The following DOCK7 variants were observed in gnomAD, a reference collection of about 807,000 sequenced individuals.
The protein encoded by DOCK7 is dedicator of cytokinesis 7.
In DOCK7, 138 loss-of-function variants were observed where a neutral mutation model predicts 271.0. The observed-to-expected ratio is 0.51, with a 90% CI of 0.44 to 0.59. The LOEUF (loss-of-function observed/expected upper bound fraction) is 0.59. Ranked by LOEUF, DOCK7 falls within the 20% of genes least tolerant of loss-of-function variation. The probability of loss-of-function intolerance (pLI) is 0.00; values close to 1 mark genes in which losing one functional copy is unlikely to be tolerated. For missense variants in DOCK7, 2,066 were observed against 2,592.4 expected (o/e 0.80, Z 4.41); for synonymous variants, 823 against 876.1 (o/e 0.94, Z 1.07).
At chr1:62,504,385 T>G (rs1223811865) in intron 37 of DOCK7, among the ~76,000 whole-genome samples, 1 of 152,238 alleles carries the variant, frequency 6.6e-6, no homozygotes, top group African/African-American at 2.4e-5. Flanking sequence ...AACTGCTCAA[T>G]GTACATTTAT....
In DOCK7 at chr1:62,684,170, G is replaced by A. The variant is rs191649419; in HGVS notation, c.38+4057C>T. Among the ~76,000 whole-genome samples the A allele has an allele frequency of 5.4e-3, 809 of 150,052 alleles. 11 individuals carry two copies. Among genetic ancestry groups the A allele is most frequent in the African/African-American group, 0.019 (759 of 40,722 alleles). On this transcript the variant is annotated intron_variant, in intron 1 of 49. Coordinates refer to ENST00000635253, the MANE Select transcript of DOCK7 (RefSeq NM_001367561.1). The stretch of plus-strand genomic sequence containing the variant: ...GTGGAGGTTGCAGTGAGCCGATTGC[G>A]CCACTTCACTCCAGCCTGGGCGAAA...
chr1:62,559,070 G>A lies in DOCK7; in HGVS notation c.2350C>T (p.Pro784Ser), dbSNP rs147326785. 1.3e-5 allele frequency: 21 copies of A among 1,613,692 alleles called. No homozygotes were observed. The highest frequency in any genetic ancestry group is 1.7e-5 in the Non-Finnish European group (20 of 1,179,916). Residue 784 changes from proline (P) to serine (S), a missense_variant, in exon 20 of 50, where the codon CCA becomes TCA. Transcript: ENST00000635253. ...ISALNSSQLE[P>S]VVRFLHLLLD... is the part of the protein sequence containing the mutation. ...AGAAGATGAAGAAATCGGACCACTG[G>A]TTCCAGCTGGGATGAATTCAGTGCT...
chr1:62,595,921 C>T (rs372723101), intron 14 of DOCK7, among the ~76,000 whole-genome samples: 10 of 151,828 alleles, frequency 6.6e-5, no homozygotes, highest in Admixed American at 6.6e-4. Context: ...AGAGCAAGAC[C>T]CTGTCTCTAA....
chr1:62,486,554 T>C (rs1646299112), intron 43 of DOCK7: 1 of 152,116 alleles, frequency 6.6e-6, no homozygotes, highest in African/African-American at 2.4e-5. Flanking sequence ...AAAATAATGG[T>C]AATCAATTCT....
chr1:62,624,065 C>A (rs926684417), intron 12 of DOCK7, among the ~76,000 whole-genome samples: 1 of 152,142 alleles, frequency 6.6e-6, no homozygotes, highest in Non-Finnish European at 1.5e-5. Context: ...ATGTACTACT[C>A]CAGTTTGTTA....
chr1:62,477,879 T>G (rs780986223), intron 43 of DOCK7, 54 bp from the exon 44 acceptor site: 3 of 1,510,578 alleles, frequency 2.0e-6, no homozygotes, highest in Non-Finnish European at 2.7e-6. Flanking sequence ...AATCTTCCTG[T>G]TTTTCACATT....
rs577999715 is a variant in DOCK7 at position 62,536,900 on chromosome 1, T to A, written c.3471+991A>T. Reference sequence around the variant, plus strand: ...AAACCACAAAATCTCTTCATCTCAATTTATAAAAGAGGACATACATATTAA... The same window carrying A: ...AAACCACAAAATCTCTTCATCTCAAATTATAAAAGAGGACATACATATTAA... On this transcript the variant is annotated intron_variant, in intron 28 of 49. Coordinates refer to ENST00000635253, the MANE Select transcript of DOCK7 (RefSeq NM_001367561.1). Among the ~76,000 whole-genome samples, 316 of 152,276 alleles carry A rather than the reference T, an allele frequency of 2.1e-3. 2 individuals carry two copies. The highest frequency in any genetic ancestry group is 7.2e-3 in the African/African-American group (301 of 41,560).
intron 14 of DOCK7, among the ~76,000 whole-genome samples, chr1:62,594,764 T>C (rs1648977191): frequency 6.6e-6 from 1 of 152,142 alleles, no homozygotes; most frequent in East Asian, 1.9e-4. Context: ...ATAAGGAATA[T>C]AAGTTAAAAA....
At chr1:62,571,126 C>T (rs923331605) in intron 18 of DOCK7, among the ~76,000 whole-genome samples, 2 of 151,986 alleles carry the variant, frequency 1.3e-5, no homozygotes, top group African/African-American at 2.4e-5. Flanking sequence ...ACAACCTACA[C>T]GATGGGAGAG....
rs553568484 is a variant in DOCK7, at chr1:62,505,159, C to T, written c.4612-377G>A. Among the ~76,000 whole-genome samples the T allele has an allele frequency of 3.3e-5, 5 of 152,252 alleles. No homozygotes were observed. In the South Asian group the frequency reaches 1.0e-3, roughly 32 times the overall value. ...TATTTTCATCAACATCTCTGCATTC[C>T]ATCCTCTAGGATGATTAAAATGAAA... On this transcript the variant is annotated intron_variant, in intron 36 of 49. Coordinates refer to ENST00000635253, the MANE Select transcript of DOCK7 (RefSeq NM_001367561.1).
intron 2 of DOCK7, among the ~76,000 whole-genome samples, chr1:62,654,516 G>A (rs1234967355): frequency 6.6e-6 from 1 of 151,890 alleles, no homozygotes; most frequent in African/African-American, 2.4e-5. Context: ...AAAAAAGTAA[G>A]TTGCTACGTT....
At chr1:62,456,486 A>C (rs1645351483) in intron 49 of DOCK7, among the ~76,000 whole-genome samples, 1 of 152,210 alleles carries the variant, frequency 6.6e-6, no homozygotes, top group African/African-American at 2.4e-5. Flanking sequence ...CATTGGCTTC[A>C]AATCTCAAAG....
At chr1:62,474,455 T>C (rs1286404904) in intron 47 of DOCK7, among the ~76,000 whole-genome samples, 1 of 152,238 alleles carries the variant, frequency 6.6e-6, no homozygotes, top group Non-Finnish European at 1.5e-5. Flanking sequence ...GAGTTGATTT[T>C]GCTAAAACAG....
intron 18 of DOCK7, among the ~76,000 whole-genome samples, chr1:62,570,416 T>A (rs1007563227): frequency 6.6e-6 from 1 of 152,118 alleles, no homozygotes; most frequent in South Asian, 2.1e-4. Context: ...CACAAACAAA[T>A]GGAAAAACAT....
intron 48 of DOCK7, among the ~76,000 whole-genome samples, chr1:62,462,914 CTTTTTTT>C (rs34400688): frequency 6.3e-5 from 5 of 79,348 alleles, no homozygotes; most frequent in East Asian, 4.3e-4. Context: ...GTAGAAAAAG[CTTTTTTT>C]TTTTTTTTTT....
intron 14 of DOCK7, among the ~76,000 whole-genome samples, chr1:62,586,871 T>C (rs924011039): frequency 1.3e-5 from 2 of 152,102 alleles, no homozygotes; most frequent in African/African-American, 2.4e-5. Flanking sequence ...TTTTTGCATA[T>C]AACCAAGTGA....
At chr1:62,588,384 G>T (rs1647884684) in intron 14 of DOCK7, among the ~76,000 whole-genome samples, 1 of 152,130 alleles carries the variant, frequency 6.6e-6, no homozygotes, top group Admixed American at 6.5e-5. Context: ...AGCCCTATAG[G>T]AGGAAAAAAT....
chr1:62,467,259 C>A (rs1430124817), intron 48 of DOCK7, among the ~76,000 whole-genome samples: 1 of 152,148 alleles, frequency 6.6e-6, no homozygotes, highest in Non-Finnish European at 1.5e-5. Context: ...ATCAAAGAAA[C>A]CATGAAATAG....
At chr1:62,494,127 T>C (rs1646548299) in intron 40 of DOCK7, 148 bp downstream of exon 40, 2 of 630,106 alleles carry the variant, frequency 3.2e-6, no homozygotes, top group Non-Finnish European at 5.1e-6. Flanking sequence ...TTAATGACAA[T>C]CACTGTGAAA....
Sources: gnomAD v4.1 joint callset for allele counts (sites outside exome capture counted in the v4.1 genomes callset) on GRCh38, gnomAD v4.1.1 for gene constraint, MANE v1.5 for transcripts, NCBI Gene and HGNC (gene_info 2026-07-23, HGNC 2026-07-21) for gene names.